SCLY: variants seen among roughly 807,000 people sequenced by gnomAD.
The protein encoded by SCLY is putative selenocysteine lyase.
In SCLY, 38 loss-of-function variants were observed where a neutral mutation model predicts 50.1. The observed-to-expected ratio is 0.76, with a 90% CI of 0.59 to 0.99. The LOEUF (loss-of-function observed/expected upper bound fraction) is 0.99, where lower values mean the gene tolerates loss of function less well. Among genes scored for constraint, SCLY ranks in the 50% least tolerant of loss-of-function variants. The pLI is 0.00. For missense variants in SCLY, 600 were observed against 620.0 expected, an observed-to-expected ratio of 0.97 and a Z score of 0.34; for synonymous variants, 243 against 249.4, an observed-to-expected ratio of 0.97 and a Z score of 0.24.
In SCLY at chr2:238,068,064, G is replaced by A. The variant is rs1327389621; in HGVS notation, c.203-1G>A. 6.2e-7 allele frequency: 1 copy of A among 1,607,632 alleles called. No individual in the cohort carries two copies. Among genetic ancestry groups the A allele is most frequent in the Non-Finnish European group, 8.5e-7 (1 of 1,177,632 alleles). On this transcript the variant is annotated splice_acceptor_variant, in intron 2 of 11. Coordinates refer to ENST00000254663, the MANE Select transcript of SCLY (RefSeq NM_016510.7). LOFTEE classifies it high-confidence loss of function. ...ATGAATTTCCTTTTTGGTCCCTCAA[G>A]GAAGAAAGGCCAAGGATATTATAAA...
chr2:238,096,913 G>T lies in SCLY; in HGVS notation c.1184+37G>T, dbSNP rs373066247. ...TCACAAACCCAGTCCAGGGCATAGG[G>T]GTCCTCCGGGCACTGGGTGTGGTGG... On this transcript the variant is annotated intron_variant, in intron 11 of 11. Coordinates refer to ENST00000254663, the MANE Select transcript of SCLY (RefSeq NM_016510.7). 1.3e-5 allele frequency: 20 copies of T among 1,551,094 alleles called. No individual in the cohort carries two copies. In the African/African-American group the frequency reaches 2.0e-4, roughly 16 times the overall value.
intron 7 of SCLY, among the ~76,000 whole-genome samples, chr2:238,086,757 C>T (rs1466597734): frequency 1.3e-5 from 2 of 148,296 alleles, no homozygotes; most frequent in East Asian, 2.0e-4. Context: ...CGGTGGCTCA[C>T]GCCTGTTATC....
chr2:238,078,278 A>G (rs919871410), intron 4 of SCLY, among the ~76,000 whole-genome samples: 85 of 152,236 alleles, frequency 5.6e-4, no homozygotes, highest in African/African-American at 1.4e-3. Flanking sequence ...CTAGTCTGAC[A>G]GCCTCTGCCT....
At chr2:238,074,680 A>C (rs1167401923) in intron 4 of SCLY, among the ~76,000 whole-genome samples, 1 of 152,034 alleles carries the variant, frequency 6.6e-6, no homozygotes, top group Non-Finnish European at 1.5e-5. Flanking sequence ...ATGGGGTTTC[A>C]CCATGTTGGT....
At chr2:238,094,011 G>A (rs2065398293) in intron 9 of SCLY, 67 bp downstream of exon 9, 1 of 1,406,460 alleles carries the variant, frequency 7.1e-7, no homozygotes, top group Admixed American at 1.9e-5. Context: ...AGAGAGGAGG[G>A]GTGTGGTGCT....
intron 7 of SCLY, among the ~76,000 whole-genome samples, chr2:238,085,115 T>A (rs950184303): frequency 6.6e-5 from 10 of 152,142 alleles, no homozygotes; most frequent in African/African-American, 2.4e-4. Flanking sequence ...TGAACAATAA[T>A]AATCAATATA....
chr2:238,093,281 C>G (rs2065387607), intron 8 of SCLY: 1 of 156,254 alleles, frequency 6.4e-6, no homozygotes, highest in African/African-American at 2.4e-5. Context: ...GACCAACAGA[C>G]AGGCCAGTCA....
At position 238,061,156 on chromosome 2, in the gene SCLY, AG is replaced by A; in HGVS notation, c.89+16del. 6.7e-7 allele frequency: 1 copy of A among 1,493,302 alleles called. No individual in the cohort carries two copies. Among genetic ancestry groups the A allele is most frequent in the Non-Finnish European group, 8.9e-7 (1 of 1,117,438 alleles). The allele number at this position is 1,493,302 out of a possible 1,614,324, so 92.5% of individuals were successfully genotyped here. A position where few individuals can be genotyped will look rare whatever the true frequency, so the allele number is the denominator to read the frequency against. On this transcript the variant is annotated intron_variant, in intron 1 of 11. Coordinates refer to ENST00000254663, the MANE Select transcript of SCLY (RefSeq NM_016510.7). ...ACTCGCCGGAGAGGTGCGCGCCTTT[AG>A]GGCAGGGCTGGGGAGCGGCCGGCGC...
intron 1 of SCLY, among the ~76,000 whole-genome samples, chr2:238,063,122 T>C (rs2065033461): frequency 6.6e-6 from 1 of 152,098 alleles, no homozygotes; most frequent in African/African-American, 2.4e-5. Context: ...TCTATTAAGG[T>C]AGACAGTAAG....
intron 10 of SCLY, chr2:238,095,387 G>C (rs2065419643): frequency 6.6e-6 from 1 of 152,202 alleles, no homozygotes; most frequent in Non-Finnish European, 1.5e-5. Context: ...TGTCATTTGG[G>C]AGGAGGTTAT....
intron 4 of SCLY, 154 bp from the exon 5 acceptor site, chr2:238,081,555 G>GA (rs2065237556): frequency 9.6e-7 from 1 of 1,037,526 alleles, no homozygotes; most frequent in Non-Finnish European, 1.4e-6. Flanking sequence ...CTGGGCCAGT[G>GA]ATGATGGGCG....
chr2:238,087,195 C>A (rs1168003528), intron 7 of SCLY, among the ~76,000 whole-genome samples: 1 of 150,792 alleles, frequency 6.6e-6, no homozygotes, highest in Non-Finnish European at 1.5e-5. Context: ...TGTGGTGGCA[C>A]GGGCCTGTAG....
Position 238,066,140 on chromosome 2 carries a change from A to G in SCLY, c.202+1671A>G, listed in dbSNP as rs997798887. Among the ~76,000 whole-genome samples the G allele has an allele frequency of 2.0e-5, 3 of 152,246 alleles. No individual in the cohort carries two copies. The highest frequency in any genetic ancestry group is 6.5e-5 in the Admixed American group (1 of 15,288). On this transcript the variant is annotated intron_variant, in intron 2 of 11. Transcript: ENST00000254663. The surrounding 1 kb of genome is among the most constrained non-coding windows in gnomAD (Gnocchi z 4.1). The stretch of plus-strand genomic sequence containing the variant: ...CATGAATTTTTATGAAAAATAAACT[A>G]TCTTCGGCAAAACAAGAAACCTAGT...
chr2:238,097,704 C>A (rs2065454366), intron 11 of SCLY, among the ~76,000 whole-genome samples: 1 of 152,074 alleles, frequency 6.6e-6, no homozygotes, highest in Non-Finnish European at 1.5e-5. Flanking sequence ...CTTGACAGAG[C>A]CCACATCTCG....
chr2:238,097,840 TG>T (rs1016019959), intron 11 of SCLY, among the ~76,000 whole-genome samples: 1 of 152,068 alleles, frequency 6.6e-6, no homozygotes, highest in Non-Finnish European at 1.5e-5. Flanking sequence ...GTGGCTCAGG[TG>T]GGCCGCATGG....
intron 4 of SCLY, among the ~76,000 whole-genome samples, chr2:238,076,248 C>A (rs1425287603): frequency 2.6e-5 from 4 of 152,080 alleles, no homozygotes; most frequent in African/African-American, 9.7e-5. Context: ...TGCACCACCA[C>A]ATCTGGCTAA....
At position 238,067,027 on chromosome 2, in the gene SCLY, G is replaced by A. The variant is rs1370148133; in HGVS notation, c.203-1038G>A. 3.9e-5 allele frequency among the ~76,000 whole-genome samples: 6 copies of A among 152,124 alleles called. No homozygotes were observed. Among genetic ancestry groups the A allele is most frequent in the Non-Finnish European group, 8.8e-5 (6 of 68,022 alleles). Reference sequence around the variant, plus strand: ...CGCCATGATTCAGTTACCTCCCACCGGGTCCCTCTGATGACGTGGGAATTA... The same window carrying A: ...CGCCATGATTCAGTTACCTCCCACCAGGTCCCTCTGATGACGTGGGAATTA... On this transcript the variant is annotated intron_variant, in intron 2 of 11. Transcript: ENST00000254663. The surrounding 1 kb of genome is among the most constrained non-coding windows in gnomAD (Gnocchi z 4.3).
chr2:238,088,619 A>G (rs2065326394), intron 7 of SCLY, among the ~76,000 whole-genome samples: 1 of 152,220 alleles, frequency 6.6e-6, no homozygotes, highest in Non-Finnish European at 1.5e-5. Context: ...CTACAAAAAT[A>G]AAAAAATTCA....
In SCLY at chr2:238,069,309, G is replaced by A; in HGVS notation, c.316G>A (p.Val106Ile). The change falls in exon 4 of 12, where the codon GTA becomes ATA. Residue 106 changes from valine to isoleucine, a missense_variant. Transcript: ENST00000254663. This position sits in a 1 kb window ranked among gnomAD's most constrained non-coding sequence, Gnocchi z 5.0. ...TGTATCTCTGCAGTCAAATAATTTA[G>A]TAATCCATTCTGTGGTGAAACATTT... ...TSGGTESNNL[V>I]IHSVVKHFHA... 5 of 1,613,168 alleles carry A rather than the reference G, an allele frequency of 3.1e-6. No individual in the cohort carries two copies. Among genetic ancestry groups the A allele is most frequent in the Non-Finnish European group, 4.2e-6 (5 of 1,179,666 alleles).
Sources: gnomAD v4.1 joint callset for allele counts (sites outside exome capture counted in the v4.1 genomes callset) on GRCh38, gnomAD v4.1.1 for gene constraint, Gnocchi (gnomAD v3.1) non-coding constraint, MANE v1.5 for transcripts, NCBI Gene and HGNC (gene_info 2026-07-23, HGNC 2026-07-21) for gene names.